CAP2: variants seen among roughly 807,000 people sequenced by gnomAD.
The protein encoded by CAP2 is cyclase associated actin cytoskeleton regulatory protein 2.
CAP2 carries 24 observed loss-of-function variants against 57.7 expected under a neutral mutation model. The ratio of observed to expected loss-of-function variants is 0.42; its 90% CI spans 0.30 to 0.58. The LOEUF (loss-of-function observed/expected upper bound fraction) is 0.58. Among genes scored for constraint, CAP2 ranks in the 20% least tolerant of loss-of-function variants. The pLI is 0.22. For synonymous variants in CAP2, 194 were observed against 207.2 expected, an observed-to-expected ratio of 0.94 and a Z score of 0.55; for missense variants, 501 against 590.3, an observed-to-expected ratio of 0.85 and a Z score of 1.57.
At chr6:17,483,259 G>A (rs1761338002) in intron 4 of CAP2, among the ~76,000 whole-genome samples, 1 of 152,208 alleles carries the variant, frequency 6.6e-6, no homozygotes, top group Non-Finnish European at 1.5e-5. Flanking sequence ...AATACAAGGA[G>A]GGATTACCAT....
At chr6:17,524,167 T>G (rs1201426125) in intron 7 of CAP2, among the ~76,000 whole-genome samples, 1 of 152,190 alleles carries the variant, frequency 6.6e-6, no homozygotes, top group African/African-American at 2.4e-5. Context: ...ATGGATTATT[T>G]CTTATGGCTT....
In CAP2 at chr6:17,496,331, C is replaced by T. The variant is rs149298373; in HGVS notation, c.301-10838C>T. On this transcript the variant is annotated intron_variant, in intron 4 of 12. Transcript: ENST00000229922. ...AAAGTTAAACAGGTTTCTTTAGTAT[C>T]TTGTTCAGTATTCTGAAGTGAATTG... 1.8e-4 allele frequency among the ~76,000 whole-genome samples: 28 copies of T among 152,260 alleles called. No homozygotes were observed. The East Asian group carries it at 5.2e-3, about 28-fold the overall frequency.
At chr6:17,540,936 C>T (rs1014761416) in intron 8 of CAP2, 37 bp from the exon 9 acceptor site, 4 of 1,565,564 alleles carry the variant, frequency 2.6e-6, no homozygotes, top group African/African-American at 2.7e-5. Flanking sequence ...TTTCCCTTTG[C>T]ATAAAATAAA....
chr6:17,537,761 T>C (rs986674041), intron 7 of CAP2, among the ~76,000 whole-genome samples: 4 of 152,146 alleles, frequency 2.6e-5, no homozygotes, highest in Admixed American at 2.6e-4. Flanking sequence ...ACAGTTCTAC[T>C]TGAGGGTTCA....
intron 4 of CAP2, chr6:17,493,233 T>C (rs1193893727): frequency 5.6e-6 from 1 of 178,654 alleles, no homozygotes; most frequent in Non-Finnish European, 1.2e-5. Context: ...CATGACACTA[T>C]GTTTAGTATA....
chr6:17,507,133 C>A, intron 4 of CAP2, 36 bp from the exon 5 acceptor site: 1 of 1,613,354 alleles, frequency 6.2e-7, no homozygotes, highest in South Asian at 1.1e-5. Flanking sequence ...TCTGCTCTGT[C>A]TGTAGTAAAA....
intron 4 of CAP2, among the ~76,000 whole-genome samples, chr6:17,464,892 A>G (rs532258989): frequency 2.6e-5 from 4 of 152,284 alleles, no homozygotes; most frequent in African/African-American, 9.6e-5. Context: ...AGGTGGTCCA[A>G]TTGAGATTCT....
At chr6:17,495,421 G>A (rs1761640064) in intron 4 of CAP2, among the ~76,000 whole-genome samples, 1 of 152,154 alleles carries the variant, frequency 6.6e-6, no homozygotes, top group African/African-American at 2.4e-5. Context: ...TTACATCTAA[G>A]AACTGAGTCA....
chr6:17,524,452 G>C (rs1416338924), intron 7 of CAP2, among the ~76,000 whole-genome samples: 1 of 152,166 alleles, frequency 6.6e-6, no homozygotes, highest in Non-Finnish European at 1.5e-5. Flanking sequence ...CTTTGCCCAG[G>C]CGAGAATTCA....
chr6:17,531,958 G>A (rs868762001), intron 7 of CAP2, among the ~76,000 whole-genome samples: 1 of 151,860 alleles, frequency 6.6e-6, no homozygotes, highest in East Asian at 1.9e-4. Context: ...AAAACAGAAC[G>A]TATGCCTGTT....
intron 3 of CAP2, among the ~76,000 whole-genome samples, chr6:17,442,481 C>G (rs1346423042): frequency 6.6e-6 from 1 of 152,138 alleles, no homozygotes; most frequent in African/African-American, 2.4e-5. Flanking sequence ...AATCACATTA[C>G]CCTTGGGTAC....
At chr6:17,430,481 A>G (rs2113544929) in intron 3 of CAP2, among the ~76,000 whole-genome samples, 1 of 152,170 alleles carries the variant, frequency 6.6e-6, no homozygotes, top group African/African-American at 2.4e-5. Flanking sequence ...CTGGGCCTAT[A>G]TAATACCTAG....
At chr6:17,484,552 C>T (rs992323109) in intron 4 of CAP2, among the ~76,000 whole-genome samples, 1 of 152,138 alleles carries the variant, frequency 6.6e-6, no homozygotes, top group Non-Finnish European at 1.5e-5. Context: ...TTGTAAACAC[C>T]TCACTTTTCA....
chr6:17,487,233 C>T (rs1007009859), intron 4 of CAP2, among the ~76,000 whole-genome samples: 23 of 152,150 alleles, frequency 1.5e-4, no homozygotes, highest in Non-Finnish European at 2.4e-4. Flanking sequence ...TGTGGACGTC[C>T]CCAGTCGCTT....
intron 10 of CAP2, 29 bp from the exon 11 acceptor site, chr6:17,543,032 G>A: frequency 2.5e-6 from 4 of 1,612,870 alleles, no homozygotes; most frequent in East Asian, 2.2e-5. Flanking sequence ...AGTGGAGTTG[G>A]TTTTTTGTTG....
At chr6:17,404,770 C>CA (rs554588058) in intron 1 of CAP2, among the ~76,000 whole-genome samples, 3,341 of 56,634 alleles carry the variant, frequency 0.059, 135 homozygotes, top group African/African-American at 0.15. Flanking sequence ...GACTCCATCT[C>CA]AAAAAAAAAA....
intron 7 of CAP2, among the ~76,000 whole-genome samples, chr6:17,523,930 T>A (rs1762442877): frequency 6.6e-6 from 1 of 152,058 alleles, no homozygotes; most frequent in Non-Finnish European, 1.5e-5. Flanking sequence ...AAAAATTAGC[T>A]GGGCGTGGTG....
At chr6:17,490,341 C>T (rs1761514918) in intron 4 of CAP2, among the ~76,000 whole-genome samples, 1 of 152,222 alleles carries the variant, frequency 6.6e-6, no homozygotes, top group South Asian at 2.1e-4. Context: ...ATTCTATGTG[C>T]AGTTGCAACT....
chr6:17,543,931 CCTAG>C (rs1337084690), intron 11 of CAP2, among the ~76,000 whole-genome samples: 1 of 152,006 alleles, frequency 6.6e-6, no homozygotes, highest in East Asian at 1.9e-4. Context: ...TTGAGACCAG[CCTAG>C]CTAACATGGT....
Sources: allele counts gnomAD v4.1 joint callset (sites outside exome capture counted in the v4.1 genomes callset), GRCh38; gene constraint gnomAD v4.1.1; transcripts MANE v1.5; gene names NCBI Gene and HGNC (gene_info 2026-07-23, HGNC 2026-07-21).